VIL1: variants seen among roughly 807,000 people sequenced by gnomAD.
VIL1 encodes villin 1.
A neutral mutation model predicts 104.0 loss-of-function variants in VIL1; 86 were observed. The observed-to-expected ratio is 0.83, with a 90% CI of 0.69 to 0.99. The LOEUF is 0.99. Ranked by LOEUF, VIL1 falls within the 50% of genes least tolerant of loss-of-function variation. The pLI is 0.00. For synonymous variants in VIL1, 394 were observed against 412.6 expected, an observed-to-expected ratio of 0.95 and a Z score of 0.55; for missense variants, 944 against 1,054.1, an observed-to-expected ratio of 0.90 and a Z score of 1.45.
At chr2:218,421,901 C>T (rs1035777981) in intron 1 of VIL1, among the ~76,000 whole-genome samples, 8 of 152,174 alleles carry the variant, frequency 5.3e-5, no homozygotes, top group Admixed American at 2.6e-4. Context: ...AGTTGACCCC[C>T]TCAGCTCATA....
intron 18 of VIL1, among the ~76,000 whole-genome samples, 200 bp downstream of exon 18, chr2:218,438,926 A>ATT (rs34676834): frequency 0.07 from 7,510 of 107,506 alleles, 448 homozygotes; most frequent in East Asian, 0.13. Context: ...ATGGTTCTCA[A>ATT]TTTTTTTTTT....
intron 19 of VIL1, 142 bp downstream of exon 19, chr2:218,441,004 CAGG>C: frequency 1.0e-6 from 1 of 986,796 alleles, no homozygotes; most frequent in Non-Finnish European, 1.5e-6. Context: ...CCTTATATCC[CAGG>C]AGGAGAGAGA....
Position 218,435,434 on chromosome 2 carries a change from G to A in VIL1, c.1826G>A (p.Arg609Lys). 1 of 1,613,646 alleles carries A rather than the reference G, an allele frequency of 6.2e-7. No homozygotes were observed. Among genetic ancestry groups the A allele is most frequent in the Non-Finnish European group, 8.5e-7 (1 of 1,179,708 alleles). ...GGKAPYANTK[R>K]LQEENLVITP... ...AAGGCCCCCTATGCCAACACCAAGA[G>A]GTAACTCTCAGGTCCCTCCGCCTCC... Residue 609 changes from arginine (R) to lysine (K), a missense_variant and splice_region_variant, in exon 15 of 20, where the codon AGA becomes AAA. Coordinates refer to ENST00000248444, the MANE Select transcript of VIL1 (RefSeq NM_007127.3).
rs369865042 is a variant in VIL1 at position 218,432,053 on chromosome 2, G to T, written c.1211G>T (p.Arg404Leu). The T allele has an allele frequency of 6.2e-6, 10 of 1,614,044 alleles. No homozygotes were observed. The South Asian group carries it at 8.8e-5, about 14-fold the overall frequency. ...GCCTGATACTGGCCCTAGGTGTGGC[G>T]CATTGAGAACCTAGAGCTGGTACCT... The part of the protein sequence containing the change: ...DDGSGEVQVW[R>L]IENLELVPVD... The change falls in exon 12 of 20, where the codon CGC becomes CTC. Residue 404 changes from arginine (R) to leucine (L), a missense_variant. Transcript: ENST00000248444.
In VIL1 at chr2:218,432,848, T is replaced by C. The variant is rs1205695403; in HGVS notation, c.1397T>C (p.Leu466Pro). Residue 466 changes from leucine (L) to proline (P), a missense_variant, in exon 13 of 20, where the codon CTG (leucine) becomes CCG (proline). Transcript: ENST00000248444. ...GCATCAGCTTATCAAGCCGTCATCC[T>C]GGACCAGAAGTACAATGGTGAACCA... Reference protein sequence around the residue: ...ITASAYQAVILDQKYNGEPVQ... With the variant: ...ITASAYQAVIPDQKYNGEPVQ... The C allele has an allele frequency of 1.2e-6, 2 of 1,614,114 alleles. No individual in the cohort carries two copies.
rs1160509422 is a variant in VIL1 at position 218,424,369 on chromosome 2, G to A, written c.150+18G>A. On this transcript the variant is annotated intron_variant, in intron 3 of 19. Coordinates refer to ENST00000248444, the MANE Select transcript of VIL1 (RefSeq NM_007127.3). Reference sequence around the variant, plus strand: ...TCCTGGCTGTGAGTCAGGGGCAGGGGAGGGGGCTGAGCAGAGAGCAAAACC... The same window carrying A: ...TCCTGGCTGTGAGTCAGGGGCAGGGAAGGGGGCTGAGCAGAGAGCAAAACC... The A allele has an allele frequency of 1.2e-6, 2 of 1,612,842 alleles. No homozygotes were observed. Among genetic ancestry groups the A allele is most frequent in the South Asian group, 2.2e-5 (2 of 91,068 alleles).
At chr2:218,444,524 C>T (rs778805620) in intron 19 of VIL1, among the ~76,000 whole-genome samples, 4 of 151,826 alleles carry the variant, frequency 2.6e-5, no homozygotes, top group South Asian at 2.1e-4. Flanking sequence ...GTGATCTGCC[C>T]GCCTTGGCCT....
In VIL1 at chr2:218,430,709, C is replaced by A; in HGVS notation, c.949-16C>A. 1 of 1,567,642 alleles carries A rather than the reference C, an allele frequency of 6.4e-7. No individual in the cohort carries two copies. The highest frequency in any genetic ancestry group is 2.3e-5 in the East Asian group (1 of 44,038). On this transcript the variant is annotated splice_polypyrimidine_tract_variant and intron_variant, in intron 9 of 19. Coordinates refer to ENST00000248444, the MANE Select transcript of VIL1 (RefSeq NM_007127.3). Reference sequence around the variant, plus strand: ...AGGGGAGGTGCATAGCTTCCAGCCACCCCTTTCTCTTCCAGAACTTCATCA... The same window carrying A: ...AGGGGAGGTGCATAGCTTCCAGCCAACCCTTTCTCTTCCAGAACTTCATCA...
chr2:218,420,524 T>C (rs1688884324), intron 1 of VIL1, among the ~76,000 whole-genome samples: 3 of 149,456 alleles, frequency 2.0e-5, no homozygotes, highest in Admixed American at 6.7e-5. Flanking sequence ...TCCAGTGCCC[T>C]GGGAGGGTCC....
At chr2:218,437,948 G>C (rs947100316) in intron 17 of VIL1, among the ~76,000 whole-genome samples, 1 of 152,188 alleles carries the variant, frequency 6.6e-6, no homozygotes, top group Admixed American at 6.5e-5. Flanking sequence ...TGGCCTGGTG[G>C]CTCTGGGTGC....
intron 15 of VIL1, among the ~76,000 whole-genome samples, chr2:218,435,889 G>A (rs547663307): frequency 3.9e-5 from 6 of 152,282 alleles, no homozygotes; most frequent in African/African-American, 7.2e-5. Flanking sequence ...CTGGAATGCA[G>A]TGGTGCAATC....
chr2:218,445,866 C>A (rs1401832570), intron 19 of VIL1, among the ~76,000 whole-genome samples: 3 of 152,126 alleles, frequency 2.0e-5, no homozygotes, highest in Non-Finnish European at 4.4e-5. Context: ...GAACAAAGGT[C>A]ATTTCAGTGA....
At position 218,423,808 on chromosome 2, in the gene VIL1, C is replaced by A. The variant is rs1280483213; in HGVS notation, c.30C>A (p.Gly10=). MTKLSAQVK[G]SLNITTPGLQ... ...CCAAGCTGAGCGCCCAAGTCAAAGG[C>A]TCTCTCAACATCACCACCCCGGGGC... The change falls in exon 2 of 20, where the codon GGC becomes GGA. Residue 10 remains glycine, a synonymous_variant. Transcript: ENST00000248444. 2 of 1,614,188 alleles carry A rather than the reference C, an allele frequency of 1.2e-6. No individual in the cohort carries two copies. Among genetic ancestry groups the A allele is most frequent in the Admixed American group, 3.3e-5 (2 of 60,024 alleles).
chr2:218,438,835 T>G, intron 18 of VIL1, 109 bp downstream of exon 18: 1 of 856,664 alleles, frequency 1.2e-6, no homozygotes, highest in Non-Finnish European at 1.8e-6. Flanking sequence ...CTTTCCCTCC[T>G]ATTTCTCCCC....
rs1689320065 is a variant in VIL1 at position 218,443,661 on chromosome 2, T to C, written c.2370+2799T>C. 2.0e-5 allele frequency among the ~76,000 whole-genome samples: 3 copies of C among 151,974 alleles called. No individual in the cohort carries two copies. In the South Asian group the frequency reaches 6.2e-4, roughly 32 times the overall value. On this transcript the variant is annotated intron_variant, in intron 19 of 19. Transcript: ENST00000248444. ...TTCTTTTGTAAAAATCAGTTTTCTG[T>C]GGTTTTTTTTTGAGACAGAGCCTCT...
Position 218,425,777 on chromosome 2 carries a change from G to C in VIL1, c.313G>C (p.Glu105Gln), listed in dbSNP as rs983964599. ...QHREVQGNES[E>Q]AFRGYFKQGL... The stretch of plus-strand genomic sequence containing the variant: ...CCGCGAGGTCCAGGGCAACGAGAGC[G>C]AGGCCTTCCGAGGCTACTTCAAGCA... The change falls in exon 4 of 20, where the codon GAG (glutamate) becomes CAG (glutamine). Residue 105 changes from glutamate to glutamine, a missense_variant. Coordinates refer to ENST00000248444, the MANE Select transcript of VIL1 (RefSeq NM_007127.3). 1 of 1,612,518 alleles carries C rather than the reference G, an allele frequency of 6.2e-7. No individual in the cohort carries two copies. Among genetic ancestry groups the C allele is most frequent in the Non-Finnish European group, 8.5e-7 (1 of 1,179,164 alleles).
At chr2:218,430,619 G>A (rs1002556568) in intron 9 of VIL1, 106 bp from the exon 10 acceptor site, 31 of 1,425,432 alleles carry the variant, frequency 2.2e-5, no homozygotes, top group Non-Finnish European at 2.8e-5. Flanking sequence ...TGGTGCCGGG[G>A]TAGATCTGAT....
intron 18 of VIL1, among the ~76,000 whole-genome samples, chr2:218,439,944 C>T (rs538749179): frequency 1.3e-5 from 2 of 151,208 alleles, no homozygotes; most frequent in Admixed American, 6.6e-5. Context: ...ATAGAGAGAA[C>T]AAGACAGAGC....
At chr2:218,426,456 C>T (rs909569179) in intron 4 of VIL1, among the ~76,000 whole-genome samples, 14 of 151,636 alleles carry the variant, frequency 9.2e-5, no homozygotes, top group Non-Finnish European at 1.8e-4. Context: ...GGTTTCACCA[C>T]GGGCAGGCTG....
Sources: allele counts gnomAD v4.1 joint callset (sites outside exome capture counted in the v4.1 genomes callset), GRCh38; gene constraint gnomAD v4.1.1; transcripts MANE v1.5; gene names NCBI Gene and HGNC (gene_info 2026-07-23, HGNC 2026-07-21).